PCDHA3: variants seen among roughly 807,000 people sequenced by gnomAD.
PCDHA3 encodes protocadherin alpha 3.
PCDHA3 carries 41 observed loss-of-function variants against 62.2 expected under a neutral mutation model. The observed-to-expected ratio is 0.66, with a 90% CI of 0.51 to 0.86. The LOEUF is 0.86. PCDHA3 is among the 40% of genes least tolerant of loss of function. The pLI is 0.00. For synonymous variants in PCDHA3, 640 were observed against 555.4 expected (o/e 1.15, Z -2.14); for missense variants, 1,304 against 1,241.2 (o/e 1.05, Z -0.76).
chr5:140,801,446 T>C lies in PCDHA3; in HGVS notation c.249T>C (p.Ile83=). ...DLLEVNLQNG[I]LFVNSRIDRE... ...TGGAGGTAAATCTGCAGAATGGCAT[T>C]TTGTTTGTGAATTCTCGGATAGACC... The change falls in exon 1 of 4, where the codon ATT becomes ATC. Residue 83 remains isoleucine (I), a synonymous_variant. Transcript: ENST00000522353. 2 of 1,613,918 alleles carry C rather than the reference T, an allele frequency of 1.2e-6. No homozygotes were observed. Among genetic ancestry groups the C allele is most frequent in the South Asian group, 2.2e-5 (2 of 91,070 alleles).
rs957445106 is a variant in PCDHA3, at chr5:140,980,862, G to A, written c.2454-1613G>A. Among the ~76,000 whole-genome samples the A allele has an allele frequency of 5.1e-4, 77 of 152,202 alleles. 2 individuals are homozygous for A. Among genetic ancestry groups the A allele is most frequent in the African/African-American group, 1.7e-3 (72 of 41,546 alleles). ...AATAATACTAATCTTTTTCGTATGT[G>A]TGCTTGGGTGTTCTCGGTCTTTCCA... On this transcript the variant is annotated intron_variant, in intron 2 of 3. Coordinates refer to ENST00000522353, the MANE Select transcript of PCDHA3 (RefSeq NM_018906.3).
intron 1 of PCDHA3, among the ~76,000 whole-genome samples, chr5:140,915,667 G>A (rs2077246554): frequency 1.3e-5 from 2 of 149,888 alleles, no homozygotes; most frequent in Admixed American, 1.3e-4. Flanking sequence ...AAGGTGCTGG[G>A]CCATCTTGAA....
intron 1 of PCDHA3, chr5:140,828,427 G>A: frequency 6.2e-7 from 1 of 1,614,282 alleles, no homozygotes; most frequent in Non-Finnish European, 8.5e-7. Context: ...TCGTGGACAG[G>A]CCGCTGCAGG....
In PCDHA3 at chr5:140,871,203, C is replaced by A. The variant is rs369236762; in HGVS notation, c.2394+67612C>A. On this transcript the variant is annotated intron_variant, in intron 1 of 3. Transcript: ENST00000522353. ...TGGTGGATGTCAACGTGTACCTGAT[C>A]ATCGCCATCTGCGTGGTGTCCAGCC... The A allele has an allele frequency of 6.3e-5, 101 of 1,613,744 alleles. No homozygotes were observed. The African/African-American group carries it at 1.3e-3, about 21-fold the overall frequency.
At chr5:140,816,331 T>G (rs1325591946) in intron 1 of PCDHA3, 1 of 152,232 alleles carries the variant, frequency 6.6e-6, no homozygotes, top group Non-Finnish European at 1.5e-5. Flanking sequence ...ATTGTATTCT[T>G]CAGTTCCAAA....
intron 1 of PCDHA3, among the ~76,000 whole-genome samples, chr5:140,971,377 T>C (rs2096474353): frequency 6.6e-6 from 1 of 152,210 alleles, no homozygotes; most frequent in African/African-American, 2.4e-5. Flanking sequence ...AGTGCATGAC[T>C]TTAATAAAGG....
chr5:140,982,611 T>G, intron 3 of PCDHA3, 48 bp downstream of exon 3: 2 of 1,600,048 alleles, frequency 1.2e-6, no homozygotes, highest in South Asian at 2.2e-5. Flanking sequence ...TGGAAAGTGA[T>G]CAGATGACCT....
At position 140,877,198 on chromosome 5, in the gene PCDHA3, G is replaced by A. The variant is rs781787046; in HGVS notation, c.2394+73607G>A. On this transcript the variant is annotated intron_variant, in intron 1 of 3. Transcript: ENST00000522353. Reference sequence around the variant, plus strand: ...GACTCCGGCTGGCAGCGCAGGAGGCGCAGTTAGCGAGTTGGTACCGCGGTC... The same window carrying A: ...GACTCCGGCTGGCAGCGCAGGAGGCACAGTTAGCGAGTTGGTACCGCGGTC... The A allele has an allele frequency of 1.5e-5, 24 of 1,613,830 alleles. No individual in the cohort carries two copies. The highest frequency in any genetic ancestry group is 7.7e-5 in the South Asian group (7 of 91,064).
rs1266651704 is a variant in PCDHA3, at chr5:140,877,267, G to A, written c.2394+73676G>A. ...GGTGGCGAAAGTGCGCGCGGTGGAC[G>A]CTGACTCCGGCTATAACGCTTGGCT... On this transcript the variant is annotated intron_variant, in intron 1 of 3. Coordinates refer to ENST00000522353, the MANE Select transcript of PCDHA3 (RefSeq NM_018906.3). 1.2e-5 allele frequency: 20 copies of A among 1,613,680 alleles called. No homozygotes were observed. Among genetic ancestry groups the A allele is most frequent in the Admixed American group, 6.7e-5 (4 of 59,982 alleles).
At chr5:140,876,543 C>T (rs1357446844) in intron 1 of PCDHA3, 10 of 1,614,022 alleles carry the variant, frequency 6.2e-6, no homozygotes, top group African/African-American at 2.7e-5. Context: ...CACTGTCGCT[C>T]CCTGTGCAAG....
intron 1 of PCDHA3, chr5:140,824,161 T>G: frequency 9.3e-6 from 15 of 1,610,948 alleles, no homozygotes; most frequent in Non-Finnish European, 1.2e-5. Flanking sequence ...CATCTTTCCC[T>G]CCCAATTTTC....
At chr5:140,897,443 G>T (rs533610542) in intron 1 of PCDHA3, among the ~76,000 whole-genome samples, 75 of 150,100 alleles carry the variant, frequency 5.0e-4, no homozygotes, top group Middle Eastern at 3.5e-3. Flanking sequence ...GCAGTGTTTG[G>T]TTTTTTGTCC....
At chr5:140,850,708 C>T (rs1554144815) in intron 1 of PCDHA3, 8 of 1,597,900 alleles carry the variant, frequency 5.0e-6, no homozygotes, top group Admixed American at 3.4e-5. Flanking sequence ...GGCAAGCCGA[C>T]GCTGGTGTGT....
intron 1 of PCDHA3, among the ~76,000 whole-genome samples, chr5:140,871,878 C>T (rs1390055446): frequency 6.6e-6 from 1 of 152,222 alleles, no homozygotes; most frequent in Non-Finnish European, 1.5e-5. Context: ...TTTAAATTTG[C>T]TCCTCTTTGT....
chr5:140,870,061 C>G, intron 1 of PCDHA3: 1 of 1,613,758 alleles, frequency 6.2e-7, no homozygotes, highest in Non-Finnish European at 8.5e-7. Flanking sequence ...AATTGAAGTA[C>G]AGGCTACAGA....
Position 140,982,566 on chromosome 5 carries a change from A to G in PCDHA3, c.2542+3A>G, listed in dbSNP as rs372784858. On this transcript the variant is annotated splice_donor_region_variant and intron_variant, in intron 3 of 3. Transcript: ENST00000522353. ...AACAGTATCCAGTGCAACACCAGGT[A>G]AAGAGCTGGGGTCTCTCCATTCTTT... 8 of 1,613,970 alleles carry G rather than the reference A, an allele frequency of 5.0e-6. No individual in the cohort carries two copies. The highest frequency in any genetic ancestry group is 6.8e-6 in the Non-Finnish European group (8 of 1,179,958).
In PCDHA3 at chr5:140,982,474, G is replaced by C. The variant is rs2096985354; in HGVS notation, c.2454-1G>C. On this transcript the variant is annotated splice_acceptor_variant, in intron 2 of 3. Coordinates refer to ENST00000522353, the MANE Select transcript of PCDHA3 (RefSeq NM_018906.3). LOFTEE classifies it high-confidence loss of function. ...TTATCTGGGTCTGTGTGTTTATTCA[G>C]CTCTGTGCACCTAGAGGAGGCTGGC... 3 of 1,614,164 alleles carry C rather than the reference G, an allele frequency of 1.9e-6. No individual in the cohort carries two copies. The highest frequency in any genetic ancestry group is 2.5e-6 in the Non-Finnish European group (3 of 1,180,024).
In PCDHA3 at chr5:140,807,152, C is replaced by T. The variant is rs568894389; in HGVS notation, c.2394+3561C>T. Reference sequence around the variant, plus strand: ...AAAGATTTCCCTTGACTTTGAGAAACGATATTTAATCAGAACAAAATACTG... The same window carrying T: ...AAAGATTTCCCTTGACTTTGAGAAATGATATTTAATCAGAACAAAATACTG... On this transcript the variant is annotated intron_variant, in intron 1 of 3. Coordinates refer to ENST00000522353, the MANE Select transcript of PCDHA3 (RefSeq NM_018906.3). The T allele has an allele frequency of 1.6e-5, 26 of 1,579,496 alleles. No homozygotes were observed. In the East Asian group the frequency reaches 5.6e-4, roughly 34 times the overall value.
chr5:140,823,389 C>G (rs199642773), intron 1 of PCDHA3: 2 of 1,612,876 alleles, frequency 1.2e-6, no homozygotes, highest in Non-Finnish European at 1.7e-6. Context: ...GCGCGCGCGA[C>G]GCGGGCGTGC....
Sources: allele counts gnomAD v4.1 joint callset (sites outside exome capture counted in the v4.1 genomes callset), GRCh38; gene constraint gnomAD v4.1.1; transcripts MANE v1.5; gene names NCBI Gene and HGNC (gene_info 2026-07-23, HGNC 2026-07-21).